The following CBLIF variants were observed in gnomAD, a reference collection of about 807,000 sequenced individuals.
CBLIF encodes gastric intrinsic factor (vitamin B synthesis).
Under a neutral mutation model 44.9 loss-of-function variants are expected in CBLIF, and 24 were observed. That is an observed-to-expected ratio of 0.53 (90% CI 0.39 to 0.75). The LOEUF (loss-of-function observed/expected upper bound fraction) is 0.75. CBLIF is among the 30% of genes least tolerant of loss of function. The pLI is 0.00. For synonymous variants in CBLIF, 183 were observed against 190.9 expected (o/e 0.96, Z 0.34); for missense variants, 481 against 513.0 (o/e 0.94, Z 0.60).
At chr11:59,836,751 C>T (rs1299496381) in intron 6 of CBLIF, among the ~76,000 whole-genome samples, 1 of 152,188 alleles carries the variant, frequency 6.6e-6, no homozygotes, top group African/African-American at 2.4e-5. Context: ...TTAATACTTA[C>T]TCGATTGTCC....
chr11:59,838,697 A>G (rs1225248874), intron 5 of CBLIF, among the ~76,000 whole-genome samples: 1 of 152,058 alleles, frequency 6.6e-6, no homozygotes, highest in Non-Finnish European at 1.5e-5. Flanking sequence ...TGTCATATGC[A>G]CCTCCCAAAT....
chr11:59,841,260 C>T lies in CBLIF; in HGVS notation c.576G>A (p.Glu192=). The T allele has an allele frequency of 6.2e-7, 1 of 1,613,740 alleles. No individual in the cohort carries two copies. The highest frequency in any genetic ancestry group is 8.5e-7 in the Non-Finnish European group (1 of 1,179,602). ...GACCAAACAGGGATCTGTAACCTTC[C>T]TCTGAACCTACAGGGATCTTGTTGT... ...CMYNKIPVGS[E]EGYRSLFGQV... Residue 192 remains glutamate (E), a synonymous_variant, in exon 5 of 9, where the codon GAG becomes GAA. Coordinates refer to ENST00000257248, the MANE Select transcript of CBLIF (RefSeq NM_005142.3).
At chr11:59,834,300 CT>C (rs1590856137) in intron 7 of CBLIF, among the ~76,000 whole-genome samples, 8,173 of 117,294 alleles carry the variant, frequency 0.07, 265 homozygotes, top group Non-Finnish European at 0.079. Context: ...TTCTTTCTTT[CT>C]TTCTTTCTTT....
rs2867802 is a variant in CBLIF at position 59,835,891 on chromosome 11, G to T, written c.990C>A (p.Asn330Lys). The change falls in exon 7 of 9, where the codon AAC becomes AAA. Residue 330 changes from asparagine (N) to lysine (K), a missense_variant. Physicochemically the swap from Asn to Lys is moderately conservative, Grantham distance 94. Transcript: ENST00000257248. ...TTTTCACACTAACATTGATGGTCTC[G>T]TTGAAGAGCAGCTCAACCCCCCTCA... is the stretch of plus-strand genomic sequence containing the variant. Reference protein sequence around the residue: ...NQLRGVELLFNETINVSVKSG... With the variant: ...NQLRGVELLFKETINVSVKSG... The T allele has an allele frequency of 1.9e-6, 3 of 1,614,006 alleles. No homozygotes were observed.
chr11:59,841,574 T>TTTG (rs1866529675), intron 4 of CBLIF, among the ~76,000 whole-genome samples: 1 of 152,204 alleles, frequency 6.6e-6, no homozygotes, highest in South Asian at 2.1e-4. Flanking sequence ...CTAGTGTTAC[T>TTTG]GACAACCAGA....
chr11:59,841,183 C>T lies in CBLIF; in HGVS notation c.653G>A (p.Gly218Asp). Residue 218 changes from glycine (G) to aspartate (D), a missense_variant, in exon 5 of 9, where the codon GGC becomes GAC. Physicochemically the swap from Gly to Asp is moderately conservative, Grantham distance 94. Coordinates refer to ENST00000257248, the MANE Select transcript of CBLIF (RefSeq NM_005142.3). ...EKISMKIKDN[G>D]IIGDIYSTGL... ...AGTACTGTAGATGTCTCCAATGATG[C>T]CATTATCTTTGATCTTCATGCTGAT... 6.2e-7 allele frequency: 1 copy of T among 1,613,616 alleles called. No individual in the cohort carries two copies. The highest frequency in any genetic ancestry group is 8.5e-7 in the Non-Finnish European group (1 of 1,179,510).
chr11:59,842,874 C>T, intron 3 of CBLIF, 154 bp downstream of exon 3: 1 of 682,576 alleles, frequency 1.5e-6, no homozygotes, highest in South Asian at 1.6e-5. Flanking sequence ...ATGAATCTTT[C>T]TGGTCTGGAT....
intron 8 of CBLIF, among the ~76,000 whole-genome samples, chr11:59,830,489 G>A (rs1312094675): frequency 6.6e-6 from 1 of 151,742 alleles, no homozygotes; most frequent in East Asian, 1.9e-4. Context: ...CGTCCGCCTT[G>A]GCCTCCCAAA....
intron 8 of CBLIF, among the ~76,000 whole-genome samples, chr11:59,830,545 T>A (rs1461939097): frequency 6.6e-6 from 1 of 152,116 alleles, no homozygotes; most frequent in Non-Finnish European, 1.5e-5. Flanking sequence ...TTAAAAAATT[T>A]TTAATTTTTG....
intron 6 of CBLIF, 134 bp from the exon 7 acceptor site, chr11:59,836,143 A>G: frequency 1.3e-6 from 1 of 761,780 alleles, no homozygotes; most frequent in Non-Finnish European, 2.3e-6. Flanking sequence ...TTAACAAAGT[A>G]CTTGGACAAC....
intron 1 of CBLIF, 146 bp from the exon 2 acceptor site, chr11:59,844,201 G>A (rs1590860997): frequency 5.7e-6 from 4 of 700,048 alleles, no homozygotes; most frequent in Non-Finnish European, 7.7e-6. Context: ...GCAATGGCAC[G>A]ATCTCGGCTC....
In CBLIF at chr11:59,841,209, T is replaced by A; in HGVS notation, c.627A>T (p.Lys209Asn). ...FGQVLKDIVE[K>N]ISMKIKDNGI... ...CATTATCTTTGATCTTCATGCTGAT[T>A]TTCTCCACAATATCCTTTAGTACCT... The change falls in exon 5 of 9, where the codon AAA becomes AAT. Residue 209 changes from lysine to asparagine, a missense_variant. By Grantham distance (94) the Lys-to-Asn change is moderately conservative. Coordinates refer to ENST00000257248, the MANE Select transcript of CBLIF (RefSeq NM_005142.3). The A allele has an allele frequency of 6.2e-7, 1 of 1,613,674 alleles. No homozygotes were observed. The highest frequency in any genetic ancestry group is 8.5e-7 in the Non-Finnish European group (1 of 1,179,532).
intron 7 of CBLIF, among the ~76,000 whole-genome samples, chr11:59,835,148 T>C (rs1866436075): frequency 2.2e-5 from 2 of 92,990 alleles, no homozygotes; most frequent in African/African-American, 3.9e-5. Flanking sequence ...TTTCTTTTCC[T>C]TTTTTTTTTT....
chr11:59,841,133 AC>A lies in CBLIF; in HGVS notation c.693+9del. 6.2e-7 allele frequency: 1 copy of A among 1,602,846 alleles called. No homozygotes were observed. Among genetic ancestry groups the A allele is most frequent in the Non-Finnish European group, 8.5e-7 (1 of 1,169,632 alleles). On this transcript the variant is annotated intron_variant, in intron 5 of 8. Transcript: ENST00000257248. ...AGGAACCCAACCAAGAGCATCCAGC[AC>A]GTGTTTACCTGCATGGCGAGGCCAG...
intron 5 of CBLIF, 60 bp from the exon 6 acceptor site, chr11:59,837,411 T>G: frequency 3.2e-6 from 4 of 1,231,060 alleles, no homozygotes; most frequent in Non-Finnish European, 4.8e-6. Context: ...GAGTTGGCTC[T>G]TACATGTCTT....
Position 59,845,463 on chromosome 11 carries a change from TC to T in CBLIF, c.-11del. 1.9e-6 allele frequency: 3 copies of T among 1,579,274 alleles called. No homozygotes were observed. The highest frequency in any genetic ancestry group is 2.6e-6 in the Non-Finnish European group (3 of 1,148,796). ...GGGCAAACCAGGCCATCTCACTCTCTCGTCTATGTCTCTCATCCACAGGTAC... is the reference window on the plus strand; with the variant it reads ...GGGCAAACCAGGCCATCTCACTCTCTGTCTATGTCTCTCATCCACAGGTAC... On this transcript the variant is annotated 5_prime_UTR_variant, in exon 1 of 9. The change creates a premature stop within an existing upstream ORF in the 5' untranslated region. Coordinates refer to ENST00000257248, the MANE Select transcript of CBLIF (RefSeq NM_005142.3).
chr11:59,830,844 C>A (rs547007924), intron 8 of CBLIF, among the ~76,000 whole-genome samples: 76 of 152,234 alleles, frequency 5.0e-4, no homozygotes, highest in African/African-American at 1.5e-3. Flanking sequence ...AGCTTCTAGC[C>A]AAGTCCTCTG....
chr11:59,837,308 CAGT>C lies in CBLIF; in HGVS notation c.734_736del (p.Asn245_Cys246delinsSer). ...GAGTATCATATCCGTAGTCTTCTTG[CAGT>C]TCCATTCCTTTTTAGATGGCTCAGG... is the stretch of plus-strand genomic sequence containing the variant. On this transcript the variant is annotated inframe_deletion, in exon 6 of 9. Transcript: ENST00000257248. 1 of 1,613,342 alleles carries C rather than the reference CAGT, an allele frequency of 6.2e-7. No homozygotes were observed. Among genetic ancestry groups the C allele is most frequent in the Non-Finnish European group, 8.5e-7 (1 of 1,179,314 alleles).
At chr11:59,836,157 C>T (rs1866454305) in intron 6 of CBLIF, 148 bp from the exon 7 acceptor site, 8 of 735,370 alleles carry the variant, frequency 1.1e-5, no homozygotes, top group Middle Eastern at 3.6e-4. Context: ...GGACAACTAG[C>T]ATAGAATTCC....
Sources: gnomAD v4.1 joint callset for allele counts (sites outside exome capture counted in the v4.1 genomes callset) on GRCh38, gnomAD v4.1.1 for gene constraint, MANE v1.5 for transcripts, NCBI Gene and HGNC (gene_info 2026-07-23, HGNC 2026-07-21) for gene names.